ZNF791: variants seen among roughly 807,000 people sequenced by gnomAD.
ZNF791 encodes zinc finger protein 791.
A neutral mutation model predicts 11.5 loss-of-function variants in ZNF791; 4 were observed. The ratio of observed to expected loss-of-function variants is 0.35; its 90% CI spans 0.17 to 0.80. The LOEUF (loss-of-function observed/expected upper bound fraction) is 0.80, where lower values mean the gene tolerates loss of function less well. Among genes scored for constraint, ZNF791 ranks in the 30% least tolerant of loss-of-function variants. The pLI, the probability that ZNF791 is intolerant of heterozygous loss-of-function variation, is 0.53. For synonymous variants in ZNF791, 212 were observed against 228.1 expected, an observed-to-expected ratio of 0.93 and a Z score of 0.64; for missense variants, 559 against 699.4, an observed-to-expected ratio of 0.80 and a Z score of 2.26.
At position 12,621,300 on chromosome 19, in the gene ZNF791, G is replaced by T. The variant is rs116946040; in HGVS notation, c.4-2400G>T. Among the ~76,000 whole-genome samples, 757 of 152,184 alleles carry T rather than the reference G, an allele frequency of 5.0e-3. 1 individual carries two copies. Among genetic ancestry groups the T allele is most frequent in the Admixed American group, 9.4e-3 (143 of 15,250 alleles). On this transcript the variant is annotated intron_variant, in intron 1 of 3. Transcript: ENST00000343325. The stretch of plus-strand genomic sequence containing the variant: ...AAAATTGGTTGGAAGCAGTTCTGAG[G>T]CTCATGGGTATAACGATTTTGTGAA...
chr19:12,631,181 T>A lies in ZNF791; in HGVS notation c.*1921T>A, dbSNP rs1416849736. On this transcript the variant is annotated 3_prime_UTR_variant, in exon 4 of 4. Coordinates refer to ENST00000343325, the MANE Select transcript of ZNF791 (RefSeq NM_153358.3). ...GTTTAGACTCATAAATACTTAACAT[T>A]TTGTTACAATTTCCTACAGTGTTCA... is the stretch of plus-strand genomic sequence containing the variant. 1 of 152,222 alleles carries A rather than the reference T, an allele frequency of 6.6e-6. No homozygotes were observed. Among genetic ancestry groups the A allele is most frequent in the Non-Finnish European group, 1.5e-5 (1 of 68,044 alleles). The allele number at this position is 152,222 out of a possible 1,614,324, so 9.4% of individuals were successfully genotyped here.
chr19:12,628,208 TG>T lies in ZNF791; in HGVS notation c.680del (p.Cys227PhefsTer34). The T allele has an allele frequency of 6.2e-7, 1 of 1,613,934 alleles. No homozygotes were observed. Among genetic ancestry groups the T allele is most frequent in the Non-Finnish European group, 8.5e-7 (1 of 1,179,886 alleles). On this transcript the variant is annotated frameshift_variant, in exon 4 of 4. Transcript: ENST00000343325. LOFTEE classifies it low-confidence loss of function (END_TRUNC). ...ECKQCGKAFS[C>X]SSSIRVHERT... ...TAAACAATGTGGGAAAGCCTTCAGT[TG>T]TTCCAGTTCTATTCGAGTACACGAA...
At chr19:12,623,672 T>G in intron 1 of ZNF791, 28 bp from the exon 2 acceptor site, 2 of 1,613,502 alleles carry the variant, frequency 1.2e-6, no homozygotes, top group Non-Finnish European at 8.5e-7. Context: ...CAATCTCACC[T>G]ATTCTCTACT....
At position 12,617,359 on chromosome 19, in the gene ZNF791, C is replaced by T. The variant is rs191297385; in HGVS notation, c.3+6277C>T. Among the ~76,000 whole-genome samples, 227 of 152,124 alleles carry T rather than the reference C, an allele frequency of 1.5e-3. 2 individuals are homozygous for T. Among genetic ancestry groups the T allele is most frequent in the African/African-American group, 5.1e-3 (212 of 41,510 alleles). ...CAGGCTGGTCTCGAACTCCTGACCT[C>T]GTGATCCGCCCACCTTGGCCCCCCA... On this transcript the variant is annotated intron_variant, in intron 1 of 3. Transcript: ENST00000343325.
chr19:12,624,920 G>A (rs2023404266), intron 3 of ZNF791, among the ~76,000 whole-genome samples: 1 of 151,606 alleles, frequency 6.6e-6, no homozygotes, highest in Non-Finnish European at 1.5e-5. Context: ...TTGTGGTGGT[G>A]GGCGCCTGTA....
chr19:12,623,877 G>GGGT, intron 2 of ZNF791, 51 bp downstream of exon 2: 3 of 941,660 alleles, frequency 3.2e-6, no homozygotes, highest in Admixed American at 2.7e-5. Flanking sequence ...TTTTGGGGGG[G>GGGT]GACAGAGTTT....
At chr19:12,626,073 G>A (rs1283725983) in intron 3 of ZNF791, among the ~76,000 whole-genome samples, 1 of 152,126 alleles carries the variant, frequency 6.6e-6, no homozygotes, top group Non-Finnish European at 1.5e-5. Flanking sequence ...CTAGAGTGCT[G>A]TGGCGCAATC....
rs755194219 is a variant in ZNF791 at position 12,628,135 on chromosome 19, G to A, written c.606G>A (p.Ser202=). 2.7e-5 allele frequency: 44 copies of A among 1,613,914 alleles called. No homozygotes were observed. The highest frequency in any genetic ancestry group is 8.0e-5 in the African/African-American group (6 of 74,896). Residue 202 remains serine (S), a synonymous_variant, in exon 4 of 4, where the codon TCG becomes TCA. Coordinates refer to ENST00000343325, the MANE Select transcript of ZNF791 (RefSeq NM_153358.3). ...QCGKALSCSS[S]LRVHERIHTG... ...GAAAAGCTCTTAGTTGTTCCAGTTC[G>A]CTTCGAGTTCATGAAAGGATTCACA...
chr19:12,616,139 T>C (rs2023242427), intron 1 of ZNF791, among the ~76,000 whole-genome samples: 1 of 152,248 alleles, frequency 6.6e-6, no homozygotes, highest in Admixed American at 6.6e-5. Flanking sequence ...TGTAAAGTGA[T>C]ATCTCTTCAG....
chr19:12,620,646 C>T (rs972865652), intron 1 of ZNF791, among the ~76,000 whole-genome samples: 1 of 150,168 alleles, frequency 6.7e-6, no homozygotes, highest in South Asian at 2.1e-4. Context: ...GATCTTTTAA[C>T]GTATGGTGCA....
At chr19:12,612,651 C>T (rs1338150890) in intron 1 of ZNF791, among the ~76,000 whole-genome samples, 4 of 144,624 alleles carry the variant, frequency 2.8e-5, no homozygotes, top group African/African-American at 1.0e-4. Flanking sequence ...GAGTGTTTCA[C>T]TATGTTTCCC....
In ZNF791 at chr19:12,627,771, C is replaced by A. The variant is rs1373263881; in HGVS notation, c.242C>A (p.Ala81Glu). Residue 81 changes from alanine (A) to glutamate (E), a missense_variant, in exon 4 of 4, where the codon GCA (alanine) becomes GAA (glutamate). Coordinates refer to ENST00000343325, the MANE Select transcript of ZNF791 (RefSeq NM_153358.3). ...GAAGGTAAAGAAGGTAGTCAATGTGCAGAAAACTTCAGTCCCAATCTCAGT... is the reference window on the plus strand; with the variant it reads ...GAAGGTAAAGAAGGTAGTCAATGTGAAGAAAACTTCAGTCCCAATCTCAGT... ...LCEGKEGSQC[A>E]ENFSPNLSVT... 6.2e-7 allele frequency: 1 copy of A among 1,614,098 alleles called. No individual in the cohort carries two copies. Among genetic ancestry groups the A allele is most frequent in the South Asian group, 1.1e-5 (1 of 91,072 alleles).
At chr19:12,620,117 A>T (rs1429563230) in intron 1 of ZNF791, among the ~76,000 whole-genome samples, 2 of 151,202 alleles carry the variant, frequency 1.3e-5, no homozygotes, top group African/African-American at 4.9e-5. Flanking sequence ...TAGAGCCAGG[A>T]TGGTCTCGAT....
chr19:12,614,066 A>G (rs2023202263), intron 1 of ZNF791, among the ~76,000 whole-genome samples: 1 of 152,074 alleles, frequency 6.6e-6, no homozygotes, highest in South Asian at 2.1e-4. Flanking sequence ...CCTCAATCTC[A>G]ATCTGGTTGA....
chr19:12,621,060 A>G (rs10469365), intron 1 of ZNF791, among the ~76,000 whole-genome samples: 11,022 of 152,012 alleles, frequency 0.073, 525 homozygotes, highest in Admixed American at 0.12. Context: ...CCTGACCCAG[A>G]TTTTATGTTC....
chr19:12,628,871 G>A lies in ZNF791; in HGVS notation c.1342G>A (p.Val448Met). The change falls in exon 4 of 4, where the codon GTG becomes ATG. Residue 448 changes from valine (V) to methionine (M), a missense_variant. Val to Met is a conservative substitution (Grantham distance 21). Coordinates refer to ENST00000343325, the MANE Select transcript of ZNF791 (RefSeq NM_153358.3). The part of the protein sequence containing the change: ...GPYKCRDCGK[V>M]FIFPSALRTH... ...TTATAAATGTAGGGACTGTGGGAAG[G>A]TGTTCATTTTTCCTAGTGCGTTACG... The A allele has an allele frequency of 2.5e-6, 4 of 1,613,374 alleles. No individual in the cohort carries two copies. In the Admixed American group the frequency reaches 5.0e-5, roughly 20 times the overall value.
Position 12,630,777 on chromosome 19 carries a change from A to T in ZNF791, c.*1517A>T, listed in dbSNP as rs1029730326. On this transcript the variant is annotated 3_prime_UTR_variant, in exon 4 of 4. Transcript: ENST00000343325. ...GTGTCTTAGTTAGTCTTTAACAAAA[A>T]TAGTTTAAAAAAATTTAATAGAAAA... is the stretch of plus-strand genomic sequence containing the variant. 10 of 152,240 alleles carry T rather than the reference A, an allele frequency of 6.6e-5. No individual in the cohort carries two copies. The highest frequency in any genetic ancestry group is 6.6e-4 in the Admixed American group (10 of 15,258). 9.4% of individuals were successfully genotyped at this position (152,240 alleles called of 1,614,324 possible).
At position 12,632,219 on chromosome 19, in the gene ZNF791, TCCC is replaced by T. The variant is rs1454415761; in HGVS notation, c.*2960_*2962del. Reference sequence around the variant, plus strand: ...ACCTCGTGATTCGACCGCCTCAGCCTCCCAAAGTGCTGGGATTACAAGCTTGAG... The same window carrying T: ...ACCTCGTGATTCGACCGCCTCAGCCTAAAGTGCTGGGATTACAAGCTTGAG... On this transcript the variant is annotated 3_prime_UTR_variant, in exon 4 of 4. Coordinates refer to ENST00000343325, the MANE Select transcript of ZNF791 (RefSeq NM_153358.3). The T allele has an allele frequency of 2.0e-5, 3 of 152,150 alleles. No individual in the cohort carries two copies. The highest frequency in any genetic ancestry group is 7.2e-5 in the African/African-American group (3 of 41,528). The allele number at this position is 152,150 out of a possible 1,614,324, so 9.4% of individuals were successfully genotyped here.
At chr19:12,625,171 A>AG (rs532318357) in intron 3 of ZNF791, among the ~76,000 whole-genome samples, 30 of 151,640 alleles carry the variant, frequency 2.0e-4, no homozygotes, top group African/African-American at 7.0e-4. Context: ...CTCAGGCTGG[A>AG]GTGCAGTGGC....
Sources: allele counts gnomAD v4.1 joint callset (sites outside exome capture counted in the v4.1 genomes callset), GRCh38; gene constraint gnomAD v4.1.1; transcripts MANE v1.5; gene names NCBI Gene and HGNC (gene_info 2026-07-23, HGNC 2026-07-21).